The following MGAT5 variants were observed in gnomAD, a reference collection of about 807,000 sequenced individuals.
MGAT5 encodes the protein alpha-1,6-mannosylglycoprotein 6-beta-N-acetylglucosaminyltransferase A.
MGAT5 carries 30 observed loss-of-function variants against 94.3 expected under a neutral mutation model. The observed-to-expected ratio is 0.32, with a 90% CI of 0.24 to 0.43. The LOEUF (loss-of-function observed/expected upper bound fraction) is 0.43. Among genes scored for constraint, MGAT5 ranks in the 20% least tolerant of loss-of-function variants. The pLI is 1.00. For missense variants in MGAT5, 691 were observed against 905.5 expected (o/e 0.76, Z 3.04); for synonymous variants, 310 against 322.9 (o/e 0.96, Z 0.43).
At chr2:134,273,580 G>C (rs982603780) in intron 2 of MGAT5, among the ~76,000 whole-genome samples, 7 of 151,904 alleles carry the variant, frequency 4.6e-5, no homozygotes, top group African/African-American at 1.7e-4. Context: ...CATAGCAATT[G>C]AAGAAGGATT....
At chr2:134,293,998 G>C (rs903871526) in intron 2 of MGAT5, among the ~76,000 whole-genome samples, 1 of 152,172 alleles carries the variant, frequency 6.6e-6, no homozygotes, top group Non-Finnish European at 1.5e-5. Flanking sequence ...TGGCTTCCCA[G>C]ACTCCTCGTA....
rs138848629 is a variant in MGAT5, at chr2:134,395,652, C to G, written c.1381-7336C>G. Reference sequence around the variant, plus strand: ...CTAAAAGAACCATTAAGTGGTATTACTTCCTATTTATGGATGAGACATTTG... The same window carrying G: ...CTAAAAGAACCATTAAGTGGTATTAGTTCCTATTTATGGATGAGACATTTG... On this transcript the variant is annotated intron_variant, in intron 10 of 15. Coordinates refer to ENST00000281923, the MANE Select transcript of MGAT5 (RefSeq NM_002410.5). Among the ~76,000 whole-genome samples the G allele has an allele frequency of 5.8e-3, 885 of 152,336 alleles. 6 individuals carry two copies. The highest frequency in any genetic ancestry group is 0.019 in the African/African-American group (806 of 41,568).
rs1573868769 is a variant in MGAT5, at chr2:134,209,169, T to A, written c.-142-45093T>A. 4.1e-4 allele frequency among the ~76,000 whole-genome samples: 27 copies of A among 65,408 alleles called. 6 individuals carry two copies. The South Asian group carries it at 5.0e-3, about 12-fold the overall frequency. The allele number at this position is 65,408 out of a possible 152,430, so 42.9% of individuals were successfully genotyped here. A position where few individuals can be genotyped will look rare whatever the true frequency, so the allele number is the denominator to read the frequency against. On this transcript the variant is annotated intron_variant, in intron 1 of 16. Transcript: ENST00000409645. ...TTTTTTTTATTTTTTTTTTTTTTTT[T>A]ATTTTTTTTTTTATTTTTTAATTAT... is the stretch of plus-strand genomic sequence containing the variant.
chr2:134,229,806 T>A (rs181191145), intron 1 of MGAT5, among the ~76,000 whole-genome samples: 2 of 152,298 alleles, frequency 1.3e-5, no homozygotes, highest in East Asian at 3.9e-4. Context: ...TGTAAATAAC[T>A]CCTACAACTC....
At chr2:134,409,469 A>T (rs1482295470) in intron 11 of MGAT5, among the ~76,000 whole-genome samples, 1 of 152,204 alleles carries the variant, frequency 6.6e-6, no homozygotes, top group South Asian at 2.1e-4. Flanking sequence ...TGTCTCCAGA[A>T]CCTGCGCTGT....
intron 14 of MGAT5, among the ~76,000 whole-genome samples, chr2:134,430,060 T>G (rs1684801392): frequency 2.6e-5 from 4 of 152,210 alleles, no homozygotes; most frequent in Non-Finnish European, 5.9e-5. Flanking sequence ...TCTTGCATCA[T>G]CAAGGGCTGC....
At chr2:134,326,223 G>T (rs1222074410) in intron 4 of MGAT5, among the ~76,000 whole-genome samples, 2 of 151,878 alleles carry the variant, frequency 1.3e-5, no homozygotes, top group African/African-American at 4.8e-5. Flanking sequence ...TTATTTCCCA[G>T]TTCATTTCCT....
At position 134,431,749 on chromosome 2, in the gene MGAT5, G is replaced by C. The variant is rs146321038; in HGVS notation, c.1869+3310G>C. ...AGCTTTTACCCCAGAAACCTTTCAG[G>C]GTTGTCCGTCATGCTCAGCCAAGGC... On this transcript the variant is annotated intron_variant, in intron 14 of 15. Transcript: ENST00000281923. 1.3e-3 allele frequency among the ~76,000 whole-genome samples: 205 copies of C among 152,158 alleles called. 2 individuals are homozygous for C. The East Asian group carries it at 0.03, about 22-fold the overall frequency.
intron 2 of MGAT5, among the ~76,000 whole-genome samples, chr2:134,298,372 A>G (rs1391442221): frequency 6.6e-6 from 1 of 152,188 alleles, no homozygotes; most frequent in African/African-American, 2.4e-5. Flanking sequence ...TACTGGGATT[A>G]CAAGCGTGAG....
intron 14 of MGAT5, among the ~76,000 whole-genome samples, chr2:134,436,073 C>T (rs918857461): frequency 1.3e-5 from 2 of 152,222 alleles, no homozygotes; most frequent in Non-Finnish European, 2.9e-5. Context: ...AATGGTCAAC[C>T]TTGGAACATT....
intron 1 of MGAT5, among the ~76,000 whole-genome samples, chr2:134,246,428 T>C (rs1682264719): frequency 6.6e-6 from 1 of 152,194 alleles, no homozygotes. Flanking sequence ...GGATTTATTT[T>C]AGAAGAGAAA....
intron 4 of MGAT5, among the ~76,000 whole-genome samples, chr2:134,329,888 T>C (rs1450688961): frequency 6.6e-6 from 1 of 152,122 alleles, no homozygotes; most frequent in Non-Finnish European, 1.5e-5. Flanking sequence ...ACTTACCACT[T>C]ACATGAGTAG....
At chr2:134,144,595 A>G (rs1460417185) in intron 1 of MGAT5, among the ~76,000 whole-genome samples, 1 of 152,224 alleles carries the variant, frequency 6.6e-6, no homozygotes, top group Non-Finnish European at 1.5e-5. Flanking sequence ...GGTGCTCAGT[A>G]TAATCCTTTG....
chr2:134,222,344 CA>C (rs895475681), intron 1 of MGAT5, among the ~76,000 whole-genome samples: 121 of 151,362 alleles, frequency 8.0e-4, no homozygotes, highest in African/African-American at 2.7e-3. Flanking sequence ...CCCAATCAGC[CA>C]GAAAAAAAAA....
At chr2:134,183,913 C>T (rs943715619) in intron 1 of MGAT5, among the ~76,000 whole-genome samples, 6 of 152,044 alleles carry the variant, frequency 3.9e-5, no homozygotes, top group Admixed American at 2.0e-4. Flanking sequence ...TGGTCCCAGC[C>T]GAGACGAAAA....
chr2:134,127,315 C>T (rs1338003896), intron 1 of MGAT5: 1 of 154,420 alleles, frequency 6.5e-6, no homozygotes, highest in African/African-American at 2.4e-5. Flanking sequence ...AACATTCTTC[C>T]TTTATTTGAT....
At position 134,126,924 on chromosome 2, in the gene MGAT5, T is replaced by G. The variant is rs1283680334; in HGVS notation, c.-143+6633T>G. On this transcript the variant is annotated intron_variant, in intron 1 of 16. Coordinates refer to the MGAT5 transcript ENST00000409645. Reference sequence around the variant, plus strand: ...AAACCATCTTATTTTCACCTCCAGTTTGTTATTTACAAGCATCCATGCCGG... The same window carrying G: ...AAACCATCTTATTTTCACCTCCAGTGTGTTATTTACAAGCATCCATGCCGG... 2.0e-5 allele frequency among the ~76,000 whole-genome samples: 3 copies of G among 152,302 alleles called. No homozygotes were observed. In the East Asian group the frequency reaches 5.8e-4, roughly 29 times the overall value.
intron 10 of MGAT5, among the ~76,000 whole-genome samples, chr2:134,381,368 T>TAGATAGATAGATAGATAGATA (rs1558841540): frequency 1.3e-5 from 1 of 78,366 alleles, no homozygotes; most frequent in African/African-American, 4.4e-5. Flanking sequence ...GATAGATAGA[T>TAGATAGATAGATAGATAGATA]AAGATAAGAT....
chr2:134,341,139 T>C (rs1688605942), intron 6 of MGAT5, among the ~76,000 whole-genome samples: 1 of 152,146 alleles, frequency 6.6e-6, no homozygotes, highest in African/African-American at 2.4e-5. Flanking sequence ...AGATTAAATA[T>C]GCATTAATAA....
Sources: gnomAD v4.1 joint callset for allele counts (sites outside exome capture counted in the v4.1 genomes callset) on GRCh38, gnomAD v4.1.1 for gene constraint, MANE v1.5 for transcripts, NCBI Gene and HGNC (gene_info 2026-07-23, HGNC 2026-07-21) for gene names.